PTPN4: variants seen among roughly 807,000 people sequenced by gnomAD.
The protein encoded by PTPN4 is protein tyrosine phosphatase non-receptor type 4.
Under a neutral mutation model 135.5 loss-of-function variants are expected in PTPN4, and 49 were observed. That is an observed-to-expected ratio of 0.36 (90% confidence interval 0.29 to 0.46). PTPN4 has a LOEUF of 0.46. Among genes scored for constraint, PTPN4 ranks in the 20% least tolerant of loss-of-function variants. The pLI is 1.00. For synonymous variants in PTPN4, 333 were observed against 369.9 expected (o/e 0.90, Z 1.14); for missense variants, 860 against 1,101.0 (o/e 0.78, Z 3.10).
chr2:119,836,746 G>C (rs112049876), intron 2 of PTPN4, among the ~76,000 whole-genome samples: 2 of 152,218 alleles, frequency 1.3e-5, no homozygotes, highest in African/African-American at 4.8e-5. Context: ...CGCTCCCAGC[G>C]CCTGCTCCAA....
chr2:119,768,722 C>T (rs571051634), intron 1 of PTPN4, among the ~76,000 whole-genome samples: 38 of 152,268 alleles, frequency 2.5e-4, no homozygotes, highest in Non-Finnish European at 5.4e-4. Flanking sequence ...TTGCTTGCCG[C>T]CTCTGAGGCC....
At chr2:119,916,323 T>G (rs1438839561) in intron 11 of PTPN4, 1 of 152,212 alleles carries the variant, frequency 6.6e-6, no homozygotes, top group Non-Finnish European at 1.5e-5. Flanking sequence ...ATGAGCTGAT[T>G]GTGCCACTGT....
intron 15 of PTPN4, among the ~76,000 whole-genome samples, chr2:119,936,868 T>C (rs1185506608): frequency 1.3e-5 from 2 of 152,234 alleles, no homozygotes; most frequent in African/African-American, 4.8e-5. Flanking sequence ...TTTATGTGTT[T>C]GTATTCCATT....
chr2:119,813,036 G>A (rs1676925522), intron 2 of PTPN4, among the ~76,000 whole-genome samples: 1 of 152,114 alleles, frequency 6.6e-6, no homozygotes, highest in African/African-American at 2.4e-5. Flanking sequence ...GGGATTCCGT[G>A]AGTCAGAGAT....
rs1677766929 is a variant in PTPN4, at chr2:119,862,007, T to TGGC, written c.139-529_139-528insGGC. Among the ~76,000 whole-genome samples, 3 of 152,188 alleles carry TGGC rather than the reference T, an allele frequency of 2.0e-5. No individual in the cohort carries two copies. The South Asian group carries it at 6.2e-4, about 31-fold the overall frequency. ...TGGCATTATAATACAAAATTATATT[T>TGGC]TAAGTAATATTTAGCCAAATATGTC... On this transcript the variant is annotated intron_variant, in intron 2 of 26. Transcript: ENST00000263708.
intron 2 of PTPN4, among the ~76,000 whole-genome samples, chr2:119,837,217 C>G (rs150353319): frequency 6.6e-6 from 1 of 152,304 alleles, no homozygotes; most frequent in Non-Finnish European, 1.5e-5. Context: ...CCGATTCACA[C>G]AGATGTTGGG....
Position 119,983,801 on chromosome 2 carries a change from G to T in PTPN4, c.*6731G>T, listed in dbSNP as rs567274529. 3 of 152,176 alleles carry T rather than the reference G, an allele frequency of 2.0e-5. No homozygotes were observed. The highest frequency in any genetic ancestry group is 4.4e-5 in the Non-Finnish European group (3 of 68,036). The allele number at this position is 152,176 out of a possible 1,614,324, so 9.4% of individuals were successfully genotyped here. A position where few individuals can be genotyped will look rare whatever the true frequency, so the allele number is the denominator to read the frequency against. Reference sequence around the variant, plus strand: ...TATGTAGCACAATAAAGGATAACCAGTTGACTGTGTTACTGGACTCTGAGT... The same window carrying T: ...TATGTAGCACAATAAAGGATAACCATTTGACTGTGTTACTGGACTCTGAGT... On this transcript the variant is annotated 3_prime_UTR_variant, in exon 27 of 27. Coordinates refer to ENST00000263708, the MANE Select transcript of PTPN4 (RefSeq NM_002830.4).
At position 119,765,743 on chromosome 2, in the gene PTPN4, TG is replaced by T. The variant is rs546641502; in HGVS notation, c.-18+5360del. Among the ~76,000 whole-genome samples the T allele has an allele frequency of 4.6e-5, 7 of 152,348 alleles. No individual in the cohort carries two copies. In the East Asian group the frequency reaches 1.2e-3, roughly 25 times the overall value. On this transcript the variant is annotated intron_variant, in intron 1 of 26. Coordinates refer to ENST00000263708, the MANE Select transcript of PTPN4 (RefSeq NM_002830.4). ...AGATCTGGGGAAAAGAAGTGGCATT[TG>T]AATATGGTCTTGGAGGATCATTTGG...
At chr2:119,887,250 A>G (rs961616017) in intron 9 of PTPN4, among the ~76,000 whole-genome samples, 3 of 152,182 alleles carry the variant, frequency 2.0e-5, no homozygotes, top group Non-Finnish European at 4.4e-5. Context: ...ACACCTTGGG[A>G]TGGCGAGGCA....
At chr2:119,857,031 T>G (rs760311910) in intron 2 of PTPN4, among the ~76,000 whole-genome samples, 5 of 152,182 alleles carry the variant, frequency 3.3e-5, no homozygotes, top group African/African-American at 7.2e-5. Context: ...ACTCAGTTAC[T>G]TATCTTTTGT....
rs1678921890 is a variant in PTPN4 at position 119,932,550 on chromosome 2, G to C, written c.1196+1G>C. ...GATCTCCACCGGGAACTCCTAATCA[G>C]TAAGTGTGAATTTTGTGACCAACAT... On this transcript the variant is annotated splice_donor_variant, in intron 14 of 26. Coordinates refer to ENST00000263708, the MANE Select transcript of PTPN4 (RefSeq NM_002830.4). LOFTEE classifies it high-confidence loss of function. 6.3e-7 allele frequency: 1 copy of C among 1,597,568 alleles called. No homozygotes were observed. Among genetic ancestry groups the C allele is most frequent in the African/African-American group, 1.4e-5 (1 of 74,070 alleles).
At chr2:119,852,887 C>T (rs986783407) in intron 2 of PTPN4, among the ~76,000 whole-genome samples, 1 of 151,786 alleles carries the variant, frequency 6.6e-6, no homozygotes, top group Admixed American at 6.6e-5. Context: ...CTCCAGAGTC[C>T]TCTTTGTCCT....
intron 19 of PTPN4, among the ~76,000 whole-genome samples, chr2:119,952,618 C>A (rs1199203451): frequency 1.3e-5 from 2 of 152,176 alleles, no homozygotes; most frequent in Non-Finnish European, 2.9e-5. Flanking sequence ...CTCTGTTCCA[C>A]TTTTAGAAAA....
At chr2:119,864,700 A>G (rs915126591) in intron 3 of PTPN4, among the ~76,000 whole-genome samples, 2 of 152,186 alleles carry the variant, frequency 1.3e-5, no homozygotes, top group African/African-American at 4.8e-5. Flanking sequence ...ATAAATTTGT[A>G]TACAAAAAGA....
At chr2:119,824,643 CT>C (rs1169742171) in intron 2 of PTPN4, among the ~76,000 whole-genome samples, 2 of 152,102 alleles carry the variant, frequency 1.3e-5, no homozygotes, top group Non-Finnish European at 2.9e-5. Context: ...CTGTGATTTT[CT>C]TTTTGGTGAC....
At chr2:119,925,530 C>G (rs1678811725) in intron 12 of PTPN4, among the ~76,000 whole-genome samples, 1 of 152,128 alleles carries the variant, frequency 6.6e-6, no homozygotes, top group Non-Finnish European at 1.5e-5. Flanking sequence ...AACTTTAAAA[C>G]TTATCCAAAG....
intron 24 of PTPN4, among the ~76,000 whole-genome samples, chr2:119,963,622 G>T (rs1054916153): frequency 1.3e-5 from 2 of 152,298 alleles, no homozygotes; most frequent in South Asian, 4.1e-4. Context: ...GAAGCCAGAA[G>T]TTGTGCTGAT....
chr2:119,955,064 A>G, intron 19 of PTPN4, 93 bp from the exon 20 acceptor site: 1 of 1,154,296 alleles, frequency 8.7e-7, no homozygotes, highest in South Asian at 1.7e-5. Flanking sequence ...TATTTTTTGA[A>G]CAAAACATTA....
chr2:119,857,292 A>T (rs1574372992), intron 2 of PTPN4, among the ~76,000 whole-genome samples: 1 of 152,146 alleles, frequency 6.6e-6, no homozygotes, highest in East Asian at 1.9e-4. Context: ...GCACTTTGGG[A>T]GGCCAAGGCG....
Sources: gnomAD v4.1 joint callset for allele counts (sites outside exome capture counted in the v4.1 genomes callset) on GRCh38, gnomAD v4.1.1 for gene constraint, MANE v1.5 for transcripts, NCBI Gene and HGNC (gene_info 2026-07-23, HGNC 2026-07-21) for gene names.